The following ADRA1D variants were observed in gnomAD, a reference collection of about 807,000 sequenced individuals.
ADRA1D encodes the protein adrenoceptor alpha 1D, also known as alpha-1D adrenergic receptor.
Under a neutral mutation model 18.6 loss-of-function variants are expected in ADRA1D, and 22 were observed. The observed-to-expected ratio is 1.19, with a 90% CI of 0.85 to 1.69. The LOEUF (loss-of-function observed/expected upper bound fraction) is 1.69, where lower values mean the gene tolerates loss of function less well. Among genes scored for constraint, ADRA1D ranks in the 40% most tolerant of loss-of-function variants. ADRA1D has a pLI of 0.00. For synonymous variants in ADRA1D, 376 were observed against 388.2 expected (o/e 0.97, Z 0.37); for missense variants, 840 against 840.7 (o/e 1.00, Z 0.01).
chr20:4,238,710 C>T (rs998597548), intron 1 of ADRA1D, among the ~76,000 whole-genome samples: 1 of 152,148 alleles, frequency 6.6e-6, no homozygotes, highest in African/African-American at 2.4e-5. Flanking sequence ...GCTGTGAGCT[C>T]TCTTTGGAAT....
chr20:4,228,877 CCTT>C (rs947306972), intron 1 of ADRA1D, among the ~76,000 whole-genome samples: 10 of 152,336 alleles, frequency 6.6e-5, no homozygotes, highest in Admixed American at 3.9e-4. Flanking sequence ...CTGGCCACCA[CCTT>C]CTTCTCTCCA....
chr20:4,222,374 G>T lies in ADRA1D; in HGVS notation c.1112-244C>A, dbSNP rs139489841. The T allele has an allele frequency of 5.0e-5, 22 of 444,112 alleles. No homozygotes were observed. The East Asian group carries it at 7.8e-4, about 16-fold the overall frequency. 27.5% of individuals were successfully genotyped at this position (444,112 alleles called of 1,614,324 possible). A position where few individuals can be genotyped will look rare whatever the true frequency, so the allele number is the denominator to read the frequency against. The stretch of plus-strand genomic sequence containing the variant: ...TGAATGTAGGCAACAAACCAGAGTA[G>T]AGTTAGACAAAACCACGTGCAATTG... On this transcript the variant is annotated intron_variant, in intron 1 of 1. Transcript: ENST00000379453. The surrounding 1 kb of genome is among the most constrained non-coding windows in gnomAD (Gnocchi z 4.3).
In ADRA1D at chr20:4,221,741, C is replaced by G. The variant is rs747420129; in HGVS notation, c.1501G>C (p.Gly501Arg). The change falls in exon 2 of 2, where the codon GGG (glycine) becomes CGG (arginine). Residue 501 changes from glycine to arginine, a missense_variant. Gly to Arg is a moderately radical substitution (Grantham distance 125). Transcript: ENST00000379453. ...TGGGTCGTGGGTCTCCGGAACGGCC[C>G]CAGCAGCCTCCACTCGCGGAAGGCG... ...PSAFREWRLL[G>R]PFRRPTTQLR... The G allele has an allele frequency of 3.1e-6, 5 of 1,602,836 alleles. No homozygotes were observed. The highest frequency in any genetic ancestry group is 1.3e-5 in the African/African-American group (1 of 74,756).
At chr20:4,241,621 C>A (rs1981215500) in intron 1 of ADRA1D, among the ~76,000 whole-genome samples, 1 of 152,122 alleles carries the variant, frequency 6.6e-6, no homozygotes, top group African/African-American at 2.4e-5. Flanking sequence ...AATGCCAGCC[C>A]TTTCTTCAGG....
At chr20:4,241,683 T>A (rs1981217594) in intron 1 of ADRA1D, among the ~76,000 whole-genome samples, 3 of 152,102 alleles carry the variant, frequency 2.0e-5, no homozygotes. Flanking sequence ...GCACAAAGCA[T>A]CCCTTGCCTC....
chr20:4,232,580 G>A (rs1001905754), intron 1 of ADRA1D, among the ~76,000 whole-genome samples: 1 of 152,178 alleles, frequency 6.6e-6, no homozygotes, highest in Non-Finnish European at 1.5e-5. Context: ...AAACTCCTGG[G>A]AGAAACCCTA....
At position 4,239,824 on chromosome 20, in the gene ADRA1D, C is replaced by T. The variant is rs1403470696; in HGVS notation, c.1111+8023G>A. Among the ~76,000 whole-genome samples, 4 of 152,220 alleles carry T rather than the reference C, an allele frequency of 2.6e-5. No individual in the cohort carries two copies. The highest frequency in any genetic ancestry group is 4.4e-5 in the Non-Finnish European group (3 of 68,036). On this transcript the variant is annotated intron_variant, in intron 1 of 1. Coordinates refer to ENST00000379453, the MANE Select transcript of ADRA1D (RefSeq NM_000678.4). The surrounding 1 kb of genome is among the most constrained non-coding windows in gnomAD (Gnocchi z 4.9). ...TAAAGAGGAATATTGAACATCTTCC[C>T]TGCCTTTGCTGTACAGATTCTATTT...
In ADRA1D at chr20:4,221,576, A is replaced by C. The variant is rs1211442229; in HGVS notation, c.1666T>G (p.Cys556Gly). 6 of 1,612,736 alleles carry C rather than the reference A, an allele frequency of 3.7e-6. No individual in the cohort carries two copies. Among genetic ancestry groups the C allele is most frequent in the Non-Finnish European group, 4.2e-6 (5 of 1,179,158 alleles). Residue 556 changes from cysteine to glycine, a missense_variant, in exon 2 of 2, where the codon TGC becomes GGC. Transcript: ENST00000379453. ...TAGTCGGCCAATTCGTAGGCCTGGC[A>C]GGTGGCGCCCTCGGCCACCTCGTGT... ...VPHEVAEGAT[C>G]QAYELADYSN...
intron 1 of ADRA1D, among the ~76,000 whole-genome samples, chr20:4,227,656 T>TTCCTTCCC (rs1477519712): frequency 8.2e-6 from 1 of 122,024 alleles, no homozygotes; most frequent in African/African-American, 2.9e-5. Flanking sequence ...CTTTCTTTCC[T>TTCCTTCCC]TCCTTCCCTC....
intron 1 of ADRA1D, among the ~76,000 whole-genome samples, chr20:4,225,116 C>G (rs1050066029): frequency 9.9e-5 from 15 of 151,400 alleles, no homozygotes; most frequent in African/African-American, 3.6e-4. Context: ...ATTCTCCTGC[C>G]TCAGCCTCCT....
intron 1 of ADRA1D, among the ~76,000 whole-genome samples, chr20:4,238,895 A>G (rs536288996): frequency 2.0e-5 from 3 of 152,224 alleles, no homozygotes; most frequent in African/African-American, 7.2e-5. Flanking sequence ...GCAACAGATC[A>G]TCCTCTGGGA....
At chr20:4,244,509 C>G (rs1981289372) in intron 1 of ADRA1D, among the ~76,000 whole-genome samples, 1 of 152,212 alleles carries the variant, frequency 6.6e-6, no homozygotes, top group African/African-American at 2.4e-5. Context: ...GCAACCATCC[C>G]CATCTTTGAT....
Position 4,248,703 on chromosome 20 carries a change from C to T in ADRA1D, c.255G>A (p.Ala85=). The T allele has an allele frequency of 1.9e-6, 3 of 1,572,766 alleles. No homozygotes were observed. The highest frequency in any genetic ancestry group is 1.2e-5 in the South Asian group (1 of 86,768). Residue 85 remains alanine, a synonymous_variant, in exon 1 of 2, where the codon GCG becomes GCA. Coordinates refer to ENST00000379453, the MANE Select transcript of ADRA1D (RefSeq NM_000678.4). Reference sequence around the variant, plus strand: ...CGCTCACCACCAGTCCCCCGACGGCCGCCGTGCCATTCACGTCGCCGCCCG... The same window carrying T: ...CGCTCACCACCAGTCCCCCGACGGCTGCCGTGCCATTCACGTCGCCGCCCG... ...AGAGGDVNGT[A]AVGGLVVSAQ...
At chr20:4,235,639 G>C (rs2122667647) in intron 1 of ADRA1D, among the ~76,000 whole-genome samples, 1 of 152,374 alleles carries the variant, frequency 6.6e-6, no homozygotes, top group Non-Finnish European at 1.5e-5. Context: ...GGTGTGAGCA[G>C]AGCAGCACTA....
intron 1 of ADRA1D, among the ~76,000 whole-genome samples, chr20:4,234,293 C>T (rs1034171532): frequency 2.0e-4 from 30 of 152,188 alleles, no homozygotes; most frequent in African/African-American, 6.8e-4. Flanking sequence ...GGACAGACGG[C>T]GCTGAAGTCA....
intron 1 of ADRA1D, among the ~76,000 whole-genome samples, chr20:4,231,481 C>G (rs1049537374): frequency 9.2e-5 from 14 of 152,068 alleles, no homozygotes; most frequent in African/African-American, 3.4e-4. Flanking sequence ...TTATCCCAGC[C>G]TCTAGCACAA....
At chr20:4,224,837 T>C (rs1196689464) in intron 1 of ADRA1D, among the ~76,000 whole-genome samples, 1 of 151,846 alleles carries the variant, frequency 6.6e-6, no homozygotes, top group Non-Finnish European at 1.5e-5. Context: ...ACCTGGGGAA[T>C]ATCGGCTTTG....
chr20:4,249,033 C>A lies in ADRA1D; in HGVS notation c.-76G>T. 1 of 1,084,566 alleles carries A rather than the reference C, an allele frequency of 9.2e-7. No individual in the cohort carries two copies. Among genetic ancestry groups the A allele is most frequent in the South Asian group, 2.1e-5 (1 of 47,210 alleles). The allele number at this position is 1,084,566 out of a possible 1,614,324, so 67.2% of individuals were successfully genotyped here. Reference sequence around the variant, plus strand: ...GCAGGGAGGGGAGCACAGGGCATAGCCGCGGGGCTCCAGATGCAGCTCCGC... The same window carrying A: ...GCAGGGAGGGGAGCACAGGGCATAGACGCGGGGCTCCAGATGCAGCTCCGC... On this transcript the variant is annotated 5_prime_UTR_variant, in exon 1 of 2. Coordinates refer to ENST00000379453, the MANE Select transcript of ADRA1D (RefSeq NM_000678.4).
At chr20:4,236,408 G>A (rs1023833757) in intron 1 of ADRA1D, among the ~76,000 whole-genome samples, 1 of 152,220 alleles carries the variant, frequency 6.6e-6, no homozygotes, top group Non-Finnish European at 1.5e-5. Flanking sequence ...ACTGAGGGAT[G>A]TTTGGGAGGT....
Sources: gnomAD v4.1 joint callset for allele counts (sites outside exome capture counted in the v4.1 genomes callset) on GRCh38, gnomAD v4.1.1 for gene constraint, Gnocchi (gnomAD v3.1) non-coding constraint, MANE v1.5 for transcripts, NCBI Gene and HGNC (gene_info 2026-07-23, HGNC 2026-07-21) for gene names.